The following HERC3 variants were observed in gnomAD, a reference collection of about 807,000 sequenced individuals.
The protein encoded by HERC3 is HECT and RLD domain containing E3 ubiquitin protein ligase 3, also known as probable E3 ubiquitin-protein ligase HERC3.
HERC3 carries 58 observed loss-of-function variants against 129.9 expected under a neutral mutation model. The ratio of observed to expected loss-of-function variants is 0.45; its 90% confidence interval spans 0.36 to 0.56. HERC3 has a LOEUF of 0.56. Ranked by LOEUF, HERC3 falls within the 20% of genes least tolerant of loss-of-function variation. The pLI, the probability that HERC3 is intolerant of heterozygous loss-of-function variation, is 0.00. For missense variants in HERC3, 835 were observed against 1,244.2 expected, an observed-to-expected ratio of 0.67 and a Z score of 4.95; for synonymous variants, 430 against 451.0, an observed-to-expected ratio of 0.95 and a Z score of 0.59.
intron 23 of HERC3, among the ~76,000 whole-genome samples, chr4:88,688,804 G>A (rs1353135812): frequency 6.6e-6 from 1 of 152,182 alleles, no homozygotes; most frequent in Non-Finnish European, 1.5e-5. Context: ...AAGAAGTGGT[G>A]AAATGAAAAA....
chr4:88,595,068 T>C (rs1473304419), intron 1 of HERC3, among the ~76,000 whole-genome samples: 11 of 117,916 alleles, frequency 9.3e-5, no homozygotes, highest in Non-Finnish European at 1.8e-4. Flanking sequence ...GCCACTGCAC[T>C]CCAGCCTGGG....
At chr4:88,566,316 A>G in the HERC3 span, among the ~76,000 whole-genome samples, 1 of 152,206 alleles carries the variant, frequency 6.6e-6, no homozygotes, top group South Asian at 2.1e-4. Flanking sequence ...AGAACCCATT[A>G]TTTTAACCTG....
At chr4:88,545,430 CTTTT>C in the HERC3 span, among the ~76,000 whole-genome samples, 10 of 110,398 alleles carry the variant, frequency 9.1e-5, no homozygotes, top group East Asian at 3.0e-4. Context: ...TTTGAGAATT[CTTTT>C]TTTTTTTTTT....
the HERC3 span, among the ~76,000 whole-genome samples, chr4:88,567,358 C>T: frequency 6.6e-6 from 1 of 152,070 alleles, no homozygotes; most frequent in Non-Finnish European, 1.5e-5. Context: ...CGTTATTAGC[C>T]CTTTGAATAA....
At position 88,617,874 on chromosome 4, in the gene HERC3, G is replaced by GA. The variant is rs1330356544; in HGVS notation, c.226+11834dup. Among the ~76,000 whole-genome samples the GA allele has an allele frequency of 3.6e-3, 505 of 141,374 alleles. 2 individuals carry two copies. The highest frequency in any genetic ancestry group is 0.012 in the African/African-American group (474 of 39,302). The allele number at this position is 141,374 out of a possible 152,430, so 92.7% of individuals were successfully genotyped here. On this transcript the variant is annotated intron_variant, in intron 3 of 25. Transcript: ENST00000402738. ...CGACACAGCGAGACTCCGTCTAAAG[G>GA]AAAAAAAAAGAAAAAAAAAACAGGG...
chr4:88,619,395 C>T (rs1027611872), intron 3 of HERC3, among the ~76,000 whole-genome samples: 3 of 152,162 alleles, frequency 2.0e-5, no homozygotes, highest in Admixed American at 1.3e-4. Flanking sequence ...TGATGCTTTA[C>T]TTAATAAATG....
chr4:88,554,332 G>A, the HERC3 span, among the ~76,000 whole-genome samples: 737 of 142,082 alleles, frequency 5.2e-3, 5 homozygotes, highest in Middle Eastern at 0.012. Flanking sequence ...GCGACAGAGG[G>A]AGACTCCATC....
At chr4:88,567,181 T>C in the HERC3 span, among the ~76,000 whole-genome samples, 1 of 152,204 alleles carries the variant, frequency 6.6e-6, no homozygotes, top group Admixed American at 6.5e-5. Flanking sequence ...CTCATTTGTA[T>C]GTTATTTGTT....
In HERC3 at chr4:88,667,358, TTTGA is replaced by T. The variant is rs760860317; in HGVS notation, c.1332-16_1332-13del. 1.4e-6 allele frequency: 2 copies of T among 1,410,304 alleles called. No homozygotes were observed. The highest frequency in any genetic ancestry group is 2.0e-6 in the Non-Finnish European group (2 of 1,010,582). 87.4% of individuals were successfully genotyped at this position (1,410,304 alleles called of 1,614,324 possible). On this transcript the variant is annotated splice_polypyrimidine_tract_variant and intron_variant, in intron 12 of 25. Transcript: ENST00000402738. ...TGCTTTTTCTTTTATTATATACCTT[TTTGA>T]TTTTGTTTGTTTAGAATTGATGAAC...
the HERC3 span, among the ~76,000 whole-genome samples, chr4:88,555,287 A>AAAG: frequency 6.6e-6 from 1 of 151,444 alleles, no homozygotes; most frequent in African/African-American, 2.4e-5. Context: ...GTCTCAAAAA[A>AAAG]AAAAAAAAGA....
chr4:88,650,200 G>T (rs1313203515), intron 4 of HERC3, among the ~76,000 whole-genome samples: 1 of 152,104 alleles, frequency 6.6e-6, no homozygotes, highest in Non-Finnish European at 1.5e-5. Flanking sequence ...AATGTGAGTC[G>T]GTTGGGAACT....
At chr4:88,555,810 T>A in the HERC3 span, among the ~76,000 whole-genome samples, 6 of 152,112 alleles carry the variant, frequency 3.9e-5, no homozygotes, top group Admixed American at 3.3e-4. Context: ...TTTGATACGA[T>A]GAGAATGAGG....
intron 16 of HERC3, among the ~76,000 whole-genome samples, chr4:88,674,316 G>A (rs866791440): frequency 1.2e-4 from 19 of 152,120 alleles, no homozygotes; most frequent in African/African-American, 4.3e-4. Flanking sequence ...ACTGCTGATT[G>A]ATGTCTGAAA....
chr4:88,620,713 A>G (rs570440663), intron 3 of HERC3, among the ~76,000 whole-genome samples: 3 of 152,020 alleles, frequency 2.0e-5, no homozygotes, highest in Non-Finnish European at 2.9e-5. Context: ...GTGCTTTCTC[A>G]GCTCATCTCT....
chr4:88,533,043 C>T, the HERC3 span, among the ~76,000 whole-genome samples: 1 of 152,288 alleles, frequency 6.6e-6, no homozygotes, highest in East Asian at 1.9e-4. Context: ...AGTCCCAAAA[C>T]CTCAAAAGTA....
intron 1 of HERC3, among the ~76,000 whole-genome samples, chr4:88,594,742 C>T (rs1202507830): frequency 3.9e-5 from 6 of 152,106 alleles, no homozygotes; most frequent in Admixed American, 2.6e-4. Flanking sequence ...CTTTAGGTAT[C>T]TCTCTGAGAT....
At chr4:88,578,214 TATC>T in the HERC3 span, among the ~76,000 whole-genome samples, 1 of 152,212 alleles carries the variant, frequency 6.6e-6, no homozygotes, top group Non-Finnish European at 1.5e-5. Context: ...TTATCATAAT[TATC>T]ATCACCACAA....
At chr4:88,562,908 G>A in the HERC3 span, among the ~76,000 whole-genome samples, 3 of 152,190 alleles carry the variant, frequency 2.0e-5, no homozygotes, top group Non-Finnish European at 4.4e-5. Context: ...CAATAGCTCT[G>A]TAGTATAATT....
chr4:88,558,742 T>A, the HERC3 span, among the ~76,000 whole-genome samples: 1 of 151,592 alleles, frequency 6.6e-6, no homozygotes, highest in East Asian at 1.9e-4. Flanking sequence ...GGCGGGCGGA[T>A]CACGAGGTCA....
Sources: allele counts gnomAD v4.1 joint callset (sites outside exome capture counted in the v4.1 genomes callset), GRCh38; gene constraint gnomAD v4.1.1; transcripts MANE v1.5; gene names NCBI Gene and HGNC (gene_info 2026-07-23, HGNC 2026-07-21).